CREBRF: variants seen among roughly 807,000 people sequenced by gnomAD.
The protein encoded by CREBRF is UPF0474 protein C5orf41.
In CREBRF, 5 loss-of-function variants were observed where a neutral mutation model predicts 66.1. The ratio of observed to expected loss-of-function variants is 0.08; its 90% CI spans 0.04 to 0.16. The LOEUF (loss-of-function observed/expected upper bound fraction) is 0.16. Ranked by LOEUF, CREBRF falls within the 10% of genes least tolerant of loss-of-function variation. The pLI is 1.00. For synonymous variants in CREBRF, 229 were observed against 264.4 expected (o/e 0.87, Z 1.30); for missense variants, 531 against 744.9 (o/e 0.71, Z 3.34).
At chr5:173,087,321 G>A (rs1344906817) in intron 3 of CREBRF, among the ~76,000 whole-genome samples, 2 of 151,976 alleles carry the variant, frequency 1.3e-5, no homozygotes, top group Non-Finnish European at 2.9e-5. Flanking sequence ...GACCTCAGGT[G>A]ATCTGCCCGC....
intron 1 of CREBRF, among the ~76,000 whole-genome samples, chr5:173,073,563 T>A (rs1757657303): frequency 6.6e-6 from 1 of 152,242 alleles, no homozygotes; most frequent in African/African-American, 2.4e-5. Context: ...ACAACTTAAT[T>A]GACAGATACC....
At chr5:173,082,313 G>GAGTGCCTGGCCA (rs1301332897) in intron 2 of CREBRF, among the ~76,000 whole-genome samples, 4 of 151,818 alleles carry the variant, frequency 2.6e-5, no homozygotes, top group Non-Finnish European at 5.9e-5. Context: ...GTGCCTGGCC[G>GAGTGCCTGGCCA]AGGTTTAGTT....
At chr5:173,096,153 T>G (rs568221385) in intron 4 of CREBRF, among the ~76,000 whole-genome samples, 39 of 152,132 alleles carry the variant, frequency 2.6e-4, no homozygotes, top group Non-Finnish European at 5.1e-4. Flanking sequence ...GTATTTTTAG[T>G]AGAGGCGGGG....
At chr5:173,086,733 G>A in intron 3 of CREBRF, 107 bp downstream of exon 3, 1 of 905,480 alleles carries the variant, frequency 1.1e-6, no homozygotes, top group South Asian at 2.0e-5. Flanking sequence ...CTTGGGCCAA[G>A]TTTGATTCTT....
intron 8 of CREBRF, among the ~76,000 whole-genome samples, chr5:173,130,089 C>T (rs964612104): frequency 1.5e-4 from 23 of 152,194 alleles, no homozygotes; most frequent in Admixed American, 1.4e-3. Flanking sequence ...TCCCAGAGTG[C>T]TGGGATTACA....
chr5:173,082,009 T>G (rs1017289601), intron 2 of CREBRF, among the ~76,000 whole-genome samples: 12 of 44,038 alleles, frequency 2.7e-4, no homozygotes, highest in East Asian at 6.7e-4. Flanking sequence ...TTTAGTTTTT[T>G]TTTTTTTTTT....
At chr5:173,131,587 T>C (rs1476001628) in intron 8 of CREBRF, among the ~76,000 whole-genome samples, 1 of 152,204 alleles carries the variant, frequency 6.6e-6, no homozygotes, top group African/African-American at 2.4e-5. Flanking sequence ...CTGGTAAGAA[T>C]ACATCATACA....
rs889043506 is a variant in CREBRF at position 173,125,586 on chromosome 5, C to T, written c.1804+2384C>T. Among the ~76,000 whole-genome samples, 5 of 152,270 alleles carry T rather than the reference C, an allele frequency of 3.3e-5. No individual in the cohort carries two copies. The East Asian group carries it at 5.8e-4, about 18-fold the overall frequency. On this transcript the variant is annotated intron_variant, in intron 8 of 8. Coordinates refer to ENST00000296953, the MANE Select transcript of CREBRF (RefSeq NM_153607.3). ...AGTTAACATTTAAAAACATGGCATC[C>T]GGGCACGGTGGCTCACGCCTGTAAT... is the stretch of plus-strand genomic sequence containing the variant.
intron 4 of CREBRF, among the ~76,000 whole-genome samples, chr5:173,099,141 CT>C (rs1322442114): frequency 2.0e-5 from 3 of 152,128 alleles, no homozygotes; most frequent in Non-Finnish European, 4.4e-5. Context: ...CATTTCTTCA[CT>C]TATGGCTTAC....
chr5:173,081,003 A>G (rs1023572576), intron 2 of CREBRF, among the ~76,000 whole-genome samples: 11 of 152,208 alleles, frequency 7.2e-5, no homozygotes, highest in Admixed American at 7.2e-4. Context: ...CATAGGTAGT[A>G]TGATAAATAG....
intron 8 of CREBRF, among the ~76,000 whole-genome samples, chr5:173,129,016 G>A (rs960521937): frequency 4.0e-5 from 6 of 150,450 alleles, no homozygotes; most frequent in African/African-American, 7.3e-5. Flanking sequence ...TCCTGACCTC[G>A]TGATCCACCC....
At chr5:173,125,252 A>T (rs1759241964) in intron 8 of CREBRF, among the ~76,000 whole-genome samples, 1 of 151,906 alleles carries the variant, frequency 6.6e-6, no homozygotes, top group Non-Finnish European at 1.5e-5. Flanking sequence ...CTCTTAAAGC[A>T]TTATTTGCTG....
intron 1 of CREBRF, among the ~76,000 whole-genome samples, chr5:173,066,175 A>G (rs986336871): frequency 6.6e-6 from 1 of 152,214 alleles, no homozygotes; most frequent in Non-Finnish European, 1.5e-5. Flanking sequence ...TTACATGTAA[A>G]TAGCAAAATA....
chr5:173,095,004 T>C (rs1758442358), intron 4 of CREBRF, among the ~76,000 whole-genome samples: 1 of 152,106 alleles, frequency 6.6e-6, no homozygotes, highest in African/African-American at 2.4e-5. Flanking sequence ...TGCCTTTGAA[T>C]ATCCAGTTTT....
intron 7 of CREBRF, among the ~76,000 whole-genome samples, chr5:173,118,671 T>G (rs1256042865): frequency 1.3e-5 from 2 of 152,114 alleles, no homozygotes; most frequent in Admixed American, 6.5e-5. Flanking sequence ...TGGGTTTACT[T>G]CTAGATATTG....
chr5:173,065,828 G>C (rs1181267109), intron 1 of CREBRF, among the ~76,000 whole-genome samples: 1 of 151,096 alleles, frequency 6.6e-6, no homozygotes, highest in African/African-American at 2.4e-5. Flanking sequence ...GTAGAGACAG[G>C]GTTTCCCCAC....
At chr5:173,091,768 A>G (rs1376988964) in intron 4 of CREBRF, 1 of 996,338 alleles carries the variant, frequency 1.0e-6, no homozygotes, top group Non-Finnish European at 1.2e-6. Context: ...CAAAGACACC[A>G]ATAATTTATT....
At chr5:173,129,895 C>G (rs1249253122) in intron 8 of CREBRF, among the ~76,000 whole-genome samples, 1 of 151,934 alleles carries the variant, frequency 6.6e-6, no homozygotes, top group Non-Finnish European at 1.5e-5. Context: ...GGAGTGATCT[C>G]AGTTCACTGC....
intron 1 of CREBRF, among the ~76,000 whole-genome samples, chr5:173,060,665 C>G (rs544605177): frequency 6.6e-6 from 1 of 151,324 alleles, no homozygotes; most frequent in Non-Finnish European, 1.5e-5. Flanking sequence ...AACTCTTAGA[C>G]GAGACATAAA....
Sources: gnomAD v4.1 joint callset for allele counts (sites outside exome capture counted in the v4.1 genomes callset) on GRCh38, gnomAD v4.1.1 for gene constraint, MANE v1.5 for transcripts, NCBI Gene and HGNC (gene_info 2026-07-23, HGNC 2026-07-21) for gene names.